Variants in NRG2 observed in about 807,000 individuals in gnomAD.
The protein encoded by NRG2 is pro-neuregulin-2, membrane-bound isoform.
NRG2 carries 27 observed loss-of-function variants against 73.9 expected under a neutral mutation model. The ratio of observed to expected loss-of-function variants is 0.37; its 90% CI spans 0.27 to 0.50. The LOEUF (loss-of-function observed/expected upper bound fraction) is 0.50, where lower values mean the gene tolerates loss of function less well. Ranked by LOEUF, NRG2 falls within the 20% of genes least tolerant of loss-of-function variation. The pLI, the probability that NRG2 is intolerant of heterozygous loss-of-function variation, is 0.96. For synonymous variants in NRG2, 532 were observed against 541.0 expected, an observed-to-expected ratio of 0.98 and a Z score of 0.23; for missense variants, 1,126 against 1,210.1, an observed-to-expected ratio of 0.93 and a Z score of 1.03.
chr5:140,038,208 A>G lies in NRG2; in HGVS notation c.700+4162T>C, dbSNP rs183300626. On this transcript the variant is annotated intron_variant, in intron 1 of 9. Transcript: ENST00000361474. ...AAACAGGATAGTAAAGGGGAAGCAC[A>G]CTTGCTTTGATTAGGGGCCGAGAGG... Among the ~76,000 whole-genome samples the G allele has an allele frequency of 3.9e-5, 6 of 152,326 alleles. No individual in the cohort carries two copies. In the East Asian group the frequency reaches 1.2e-3, roughly 29 times the overall value.
intron 1 of NRG2, among the ~76,000 whole-genome samples, chr5:140,009,661 G>A (rs541978950): frequency 6.6e-6 from 1 of 152,258 alleles, no homozygotes; most frequent in South Asian, 2.1e-4. Context: ...AGCTTTTGGT[G>A]TTGTCAGTGT....
intron 1 of NRG2, among the ~76,000 whole-genome samples, chr5:139,934,234 C>T (rs1485573504): frequency 6.6e-6 from 1 of 152,056 alleles, no homozygotes; most frequent in Non-Finnish European, 1.5e-5. Flanking sequence ...AGAAAATCCT[C>T]AAATATATTT....
intron 1 of NRG2, chr5:140,019,504 T>A (rs1580960376): frequency 6.6e-6 from 1 of 152,386 alleles, no homozygotes; most frequent in East Asian, 1.9e-4. Context: ...CTGCTCCGAG[T>A]GCAGTGGTGT....
chr5:139,927,745 C>A (rs112733243), intron 1 of NRG2, among the ~76,000 whole-genome samples: 7,536 of 112,446 alleles, frequency 0.067, 433 homozygotes, highest in African/African-American at 0.18. Context: ...GCCTGGGCGA[C>A]AAGAGTGAAA....
At chr5:139,924,094 A>G (rs1751872775) in intron 1 of NRG2, among the ~76,000 whole-genome samples, 1 of 152,138 alleles carries the variant, frequency 6.6e-6, no homozygotes, top group African/African-American at 2.4e-5. Context: ...GATCACTAGG[A>G]TGGATGAGTA....
intron 1 of NRG2, among the ~76,000 whole-genome samples, chr5:139,993,849 T>C (rs1757828003): frequency 6.6e-6 from 1 of 152,176 alleles, no homozygotes; most frequent in African/African-American, 2.4e-5. Flanking sequence ...ATACACAAAA[T>C]GTGTGTGTGT....
chr5:139,959,568 G>GT (rs1278371260), intron 1 of NRG2, among the ~76,000 whole-genome samples: 1 of 152,160 alleles, frequency 6.6e-6, no homozygotes, highest in Non-Finnish European at 1.5e-5. Flanking sequence ...TAGAAACTGG[G>GT]TTTCACCACG....
intron 1 of NRG2, among the ~76,000 whole-genome samples, chr5:139,980,983 C>T (rs1267802593): frequency 1.3e-5 from 2 of 152,190 alleles, no homozygotes; most frequent in Non-Finnish European, 2.9e-5. Flanking sequence ...AGGATGGAGA[C>T]ACTAAGCCTT....
chr5:139,862,411 A>C (rs1762210448), intron 5 of NRG2, among the ~76,000 whole-genome samples: 2 of 152,100 alleles, frequency 1.3e-5, no homozygotes, highest in East Asian at 1.9e-4. Flanking sequence ...CAAAGACAAG[A>C]CCTTCCCACT....
At chr5:139,962,672 G>T (rs922563880) in intron 1 of NRG2, among the ~76,000 whole-genome samples, 2 of 152,152 alleles carry the variant, frequency 1.3e-5, no homozygotes, top group African/African-American at 4.8e-5. Flanking sequence ...AGCCCCAGAA[G>T]GCAGGGAGGA....
intron 1 of NRG2, among the ~76,000 whole-genome samples, chr5:139,940,377 T>C (rs1753297151): frequency 2.0e-5 from 3 of 152,226 alleles, no homozygotes; most frequent in Non-Finnish European, 4.4e-5. Flanking sequence ...ATTTTATCTG[T>C]ACTGACAGAA....
intron 1 of NRG2, among the ~76,000 whole-genome samples, chr5:140,037,320 G>A (rs1472366495): frequency 6.6e-6 from 1 of 152,174 alleles, no homozygotes; most frequent in African/African-American, 2.4e-5. Flanking sequence ...TCTCTCCTTT[G>A]AGCATCCCAG....
At chr5:139,886,387 G>A (rs1227914518) in intron 2 of NRG2, among the ~76,000 whole-genome samples, 3 of 152,122 alleles carry the variant, frequency 2.0e-5, no homozygotes, top group Admixed American at 2.0e-4. Flanking sequence ...TTTTTGTTGT[G>A]GGCAGGCTGG....
chr5:139,876,709 T>C (rs1274860544), intron 3 of NRG2, among the ~76,000 whole-genome samples: 1 of 152,018 alleles, frequency 6.6e-6, no homozygotes, highest in Non-Finnish European at 1.5e-5. Context: ...AAGACTCAGG[T>C]CGAGTGCTCC....
chr5:139,880,959 T>C lies in NRG2; in HGVS notation c.888A>G (p.Leu296=), dbSNP rs1243563383. Residue 296 remains leucine, a synonymous_variant, in exon 3 of 10, where the codon CTA becomes CTG. Transcript: ENST00000361474. ...CCTCCACCTTCACCTTGTTGAACTG[T>C]AGTCGTGAGTTCTTTCTGGTTAGGG... is the stretch of plus-strand genomic sequence containing the variant. ...KYGNGRKNSR[L]QFNKVKVEDA... is the part of the protein sequence containing the mutation. 1 of 1,613,976 alleles carries C rather than the reference T, an allele frequency of 6.2e-7. No homozygotes were observed. The highest frequency in any genetic ancestry group is 8.5e-7 in the Non-Finnish European group (1 of 1,179,882).
rs746716069 is a variant in NRG2, at chr5:139,859,936, T to G, written c.1190-4158A>C. Reference sequence around the variant, plus strand: ...CTCTGGCAGTGCAGAAGAGCGAGGGTCACAAAGGGAGGGGTGGAGGGAGAG... The same window carrying G: ...CTCTGGCAGTGCAGAAGAGCGAGGGGCACAAAGGGAGGGGTGGAGGGAGAG... On this transcript the variant is annotated intron_variant, in intron 5 of 9. Transcript: ENST00000361474. 2.5e-6 allele frequency: 4 copies of G among 1,605,964 alleles called. No individual in the cohort carries two copies. In the South Asian group the frequency reaches 4.4e-5, roughly 18 times the overall value.
chr5:139,970,874 T>A (rs1173205231), intron 1 of NRG2, among the ~76,000 whole-genome samples: 1 of 152,224 alleles, frequency 6.6e-6, no homozygotes, highest in Non-Finnish European at 1.5e-5. Flanking sequence ...TAGTTAGCAC[T>A]ATCCATGAAA....
In NRG2 at chr5:139,939,603, G is replaced by A. The variant is rs138367634; in HGVS notation, c.701-52092C>T. Among the ~76,000 whole-genome samples, 613 of 152,034 alleles carry A rather than the reference G, an allele frequency of 4.0e-3. 3 individuals are homozygous for A. Among genetic ancestry groups the A allele is most frequent in the African/African-American group, 0.015 (602 of 41,486 alleles). On this transcript the variant is annotated intron_variant, in intron 1 of 9. Transcript: ENST00000361474. ...TTTCTTAAATAGGAGTCAAAATGTA[G>A]GAAACAAAAGAAAAATATAACTAGG...
rs1017870564 is a variant in NRG2 at position 139,868,163 on chromosome 5, G to A, written c.1113-2538C>T. Reference sequence around the variant, plus strand: ...TGGTGGAAGGCTGACAGCTACTGCTGTTCTTTGGGGTGCTAGCTCCTTCAG... The same window carrying A: ...TGGTGGAAGGCTGACAGCTACTGCTATTCTTTGGGGTGCTAGCTCCTTCAG... On this transcript the variant is annotated intron_variant, in intron 4 of 9. Transcript: ENST00000361474. This position sits in a 1 kb window ranked among gnomAD's most constrained non-coding sequence, Gnocchi z 4.2. 6.6e-6 allele frequency among the ~76,000 whole-genome samples: 1 copy of A among 152,140 alleles called. No individual in the cohort carries two copies. The highest frequency in any genetic ancestry group is 2.4e-5 in the African/African-American group (1 of 41,416).
Sources: allele counts gnomAD v4.1 joint callset (sites outside exome capture counted in the v4.1 genomes callset), GRCh38; gene constraint gnomAD v4.1.1; non-coding constraint Gnocchi (gnomAD v3.1); transcripts MANE v1.5; gene names NCBI Gene and HGNC (gene_info 2026-07-23, HGNC 2026-07-21).